Variants in PKHD1 observed in about 807,000 individuals in gnomAD.
PKHD1 encodes fibrocystin.
PKHD1 carries 291 observed loss-of-function variants against 412.0 expected under a neutral mutation model. The ratio of observed to expected loss-of-function variants is 0.71; its 90% confidence interval spans 0.64 to 0.78. PKHD1 has a LOEUF of 0.78. Among genes scored for constraint, PKHD1 ranks in the 30% least tolerant of loss-of-function variants. PKHD1 has a pLI of 0.00. For missense variants in PKHD1, 4,825 were observed against 4,950.7 expected (o/e 0.97, Z 0.76); for synonymous variants, 1,777 against 1,821.5 (o/e 0.98, Z 0.62).
chr6:52,076,021 ACT>A (rs1251998548), intron 6 of PKHD1, among the ~76,000 whole-genome samples: 1 of 151,926 alleles, frequency 6.6e-6, no homozygotes, highest in Non-Finnish European at 1.5e-5. Context: ...TCCAACATCA[ACT>A]CATTTGATTT....
chr6:51,946,157 A>T (rs1789428575), intron 36 of PKHD1, among the ~76,000 whole-genome samples: 1 of 152,196 alleles, frequency 6.6e-6, no homozygotes, highest in South Asian at 2.1e-4. Flanking sequence ...TCATTTACTG[A>T]CAGGAACTAA....
intron 11 of PKHD1, among the ~76,000 whole-genome samples, chr6:52,068,339 A>G (rs1810061483): frequency 6.6e-6 from 1 of 152,156 alleles, no homozygotes. Context: ...TCCCAAGAAG[A>G]CACTGCCCTG....
In PKHD1 at chr6:51,815,909, G is replaced by A. The variant is rs552666018; in HGVS notation, c.8302+14952C>T. Among the ~76,000 whole-genome samples the A allele has an allele frequency of 2.6e-5, 4 of 152,212 alleles. No individual in the cohort carries two copies. In the East Asian group the frequency reaches 7.7e-4, roughly 29 times the overall value. ...TCACTTTATATTTTGCCACTTGGTT[G>A]TTAAATCTTTTGTGAAACCATATAC... On this transcript the variant is annotated intron_variant, in intron 52 of 66. Coordinates refer to ENST00000371117, the MANE Select transcript of PKHD1 (RefSeq NM_138694.4).
At chr6:51,793,313 A>G (rs1315688090) in intron 52 of PKHD1, among the ~76,000 whole-genome samples, 1 of 152,230 alleles carries the variant, frequency 6.6e-6, no homozygotes, top group Admixed American at 6.5e-5. Flanking sequence ...TTGTAAAAAC[A>G]AGAGGGTTTT....
chr6:51,718,703 T>C (rs1341670164), intron 60 of PKHD1, among the ~76,000 whole-genome samples: 1 of 152,204 alleles, frequency 6.6e-6, no homozygotes, highest in Non-Finnish European at 1.5e-5. Context: ...TGATTTATGA[T>C]ATTTCCAGTT....
At chr6:51,631,109 G>C (rs1000185750) in intron 65 of PKHD1, among the ~76,000 whole-genome samples, 4 of 152,144 alleles carry the variant, frequency 2.6e-5, no homozygotes, top group Non-Finnish European at 4.4e-5. Flanking sequence ...TTAGACCTTA[G>C]GGAGAGACCC....
Position 51,616,667 on chromosome 6 carries a change from G to A in PKHD1, c.*2414C>T, listed in dbSNP as rs975971405. 1 of 398,390 alleles carries A rather than the reference G, an allele frequency of 2.5e-6. No individual in the cohort carries two copies. The highest frequency in any genetic ancestry group is 3.6e-5 in the East Asian group (1 of 28,066). The allele number at this position is 398,390 out of a possible 1,614,324, so 24.7% of individuals were successfully genotyped here. On this transcript the variant is annotated 3_prime_UTR_variant, in exon 67 of 67. Coordinates refer to ENST00000371117, the MANE Select transcript of PKHD1 (RefSeq NM_138694.4). ...TATAGCTGCTATTTAGGCCCAAAGA[G>A]TCAATTCTGGCCTCAGGGATCACAG...
chr6:52,045,892 C>T (rs1805722931), intron 24 of PKHD1, 112 bp downstream of exon 24: 6 of 793,438 alleles, frequency 7.6e-6, no homozygotes, highest in Non-Finnish European at 1.3e-5. Flanking sequence ...TCAAATATTC[C>T]AACAAAATTA....
chr6:51,981,307 C>A (rs571700223), intron 35 of PKHD1, among the ~76,000 whole-genome samples: 4 of 40,770 alleles, frequency 9.8e-5, no homozygotes, highest in Non-Finnish European at 1.4e-4. Flanking sequence ...CTCCAAAGCT[C>A]AAGCTCTCCC....
Position 51,906,244 on chromosome 6 carries a change from T to C in PKHD1, c.6779A>G (p.Tyr2260Cys), listed in dbSNP as rs374132086. Residue 2260 changes from tyrosine (Y) to cysteine (C), a missense_variant, in exon 41 of 67, where the codon TAC becomes TGC. Transcript: ENST00000371117. ...TAGCAGCGCATGACCTAAAATATTG[T>C]AGAATACATTACTGTCCACCTTCAG... ...LGLKVDSNVF[Y>C]NILGHALLVG... is the part of the protein sequence containing the mutation. The C allele has an allele frequency of 8.3e-5, 134 of 1,611,828 alleles. No individual in the cohort carries two copies. Among genetic ancestry groups the C allele is most frequent in the East Asian group, 2.9e-4 (13 of 44,854 alleles).
At chr6:51,842,072 T>A (rs1188176374) in intron 50 of PKHD1, among the ~76,000 whole-genome samples, 1 of 152,248 alleles carries the variant, frequency 6.6e-6, no homozygotes, top group Non-Finnish European at 1.5e-5. Flanking sequence ...TGCACAGCCC[T>A]CTTGCCCTTT....
chr6:51,679,315 CCTATACTACTCA>C (rs1324050691), intron 60 of PKHD1, among the ~76,000 whole-genome samples: 1 of 152,024 alleles, frequency 6.6e-6, no homozygotes, highest in East Asian at 1.9e-4. Flanking sequence ...GCCACAAGTG[CCTATACTACTCA>C]CTGGAGAAAT....
intron 7 of PKHD1, 38 bp from the exon 8 acceptor site, chr6:52,072,227 T>C (rs1174795688): frequency 1.6e-6 from 2 of 1,282,424 alleles, no homozygotes; most frequent in East Asian, 2.3e-5. Context: ...AGACAAGAGA[T>C]AATTGTGCAA....
intron 50 of PKHD1, among the ~76,000 whole-genome samples, chr6:51,843,357 C>T (rs1417214287): frequency 1.3e-5 from 2 of 152,202 alleles, no homozygotes; most frequent in South Asian, 2.1e-4. Flanking sequence ...AGGCCTCAGG[C>T]CTGGGCCTGA....
At position 51,959,893 on chromosome 6, in the gene PKHD1, A is replaced by C. The variant is rs756573585; in HGVS notation, c.5885T>G (p.Ile1962Ser). ...ACCTTTAATGTGCAGTAAGTTGAGG[A>C]TGCTTGTGTTAGTGTCCAGCAGAAG... ...QLLLLDTNTSILNLLHIKGGK... is the reference protein window; with the variant it reads ...QLLLLDTNTSSLNLLHIKGGK... The change falls in exon 36 of 67, where the codon ATC (isoleucine) becomes AGC (serine). Residue 1962 changes from isoleucine (I) to serine (S), a missense_variant. Physicochemically the swap from Ile to Ser is moderately radical, Grantham distance 142. Coordinates refer to ENST00000371117, the MANE Select transcript of PKHD1 (RefSeq NM_138694.4). 1 of 1,613,404 alleles carries C rather than the reference A, an allele frequency of 6.2e-7. No homozygotes were observed. Among genetic ancestry groups the C allele is most frequent in the Non-Finnish European group, 8.5e-7 (1 of 1,179,490 alleles).
At chr6:52,037,690 G>T (rs1213685541) in intron 27 of PKHD1, among the ~76,000 whole-genome samples, 2 of 152,216 alleles carry the variant, frequency 1.3e-5, no homozygotes, top group Non-Finnish European at 2.9e-5. Context: ...AACACACCGT[G>T]TTAGTAAAAT....
chr6:51,707,784 C>G (rs926650168), intron 60 of PKHD1, among the ~76,000 whole-genome samples: 3 of 151,992 alleles, frequency 2.0e-5, no homozygotes, highest in Admixed American at 6.6e-5. Context: ...TCATTTTTTC[C>G]CTAGTTGAAG....
chr6:51,723,819 A>T (rs72899386), intron 60 of PKHD1, among the ~76,000 whole-genome samples: 2 of 152,146 alleles, frequency 1.3e-5, no homozygotes, highest in African/African-American at 2.4e-5. Flanking sequence ...GTTTGGGTAC[A>T]TAGAATGGTA....
intron 35 of PKHD1, among the ~76,000 whole-genome samples, chr6:51,965,154 A>C (rs1350810605): frequency 6.6e-6 from 1 of 152,142 alleles, no homozygotes; most frequent in Admixed American, 6.6e-5. Flanking sequence ...TCTCCCAAAT[A>C]AATGTGACCT....
Sources: gnomAD v4.1 joint callset for allele counts (sites outside exome capture counted in the v4.1 genomes callset) on GRCh38, gnomAD v4.1.1 for gene constraint, MANE v1.5 for transcripts, NCBI Gene and HGNC (gene_info 2026-07-23, HGNC 2026-07-21) for gene names.